The following DAB1 variants were observed in gnomAD, a reference collection of about 807,000 sequenced individuals.
The protein encoded by DAB1 is DAB adaptor protein 1, also known as disabled homolog 1.
In DAB1, 15 loss-of-function variants were observed where a neutral mutation model predicts 64.6. The observed-to-expected ratio is 0.23, with a 90% CI of 0.16 to 0.36. The LOEUF (loss-of-function observed/expected upper bound fraction) is 0.36. DAB1 is among the 10% of genes least tolerant of loss of function. The probability of loss-of-function intolerance (pLI) is 1.00; values close to 1 mark genes in which losing one functional copy is unlikely to be tolerated. For missense variants in DAB1, 596 were observed against 706.7 expected (o/e 0.84, Z 1.78); for synonymous variants, 235 against 251.9 (o/e 0.93, Z 0.64).
chr1:57,062,833 A>G, intron 9 of DAB1, 51 bp downstream of exon 9: 1 of 1,455,012 alleles, frequency 6.9e-7, no homozygotes, highest in South Asian at 1.1e-5. Flanking sequence ...AGACAGCCTC[A>G]GTGTGAATCC....
intron 7 of DAB1, among the ~76,000 whole-genome samples, chr1:57,508,377 T>C (rs1436232503): frequency 6.6e-6 from 1 of 152,198 alleles, no homozygotes; most frequent in Non-Finnish European, 1.5e-5. Flanking sequence ...AAGTATCTGT[T>C]GAATCAAAAA....
intron 3 of DAB1, among the ~76,000 whole-genome samples, chr1:58,492,832 G>C (rs1645722417): frequency 6.6e-6 from 1 of 152,192 alleles, no homozygotes; most frequent in South Asian, 2.1e-4. Flanking sequence ...AATTCTACCA[G>C]AGGTACAAGA....
At chr1:57,747,083 C>CT (rs1235591058) in intron 6 of DAB1, among the ~76,000 whole-genome samples, 2 of 152,008 alleles carry the variant, frequency 1.3e-5, no homozygotes, top group Non-Finnish European at 2.9e-5. Flanking sequence ...ATATGTTATG[C>CT]TTTTTTGTCA....
At chr1:57,561,839 T>G (rs969362986) in intron 7 of DAB1, among the ~76,000 whole-genome samples, 2 of 152,198 alleles carry the variant, frequency 1.3e-5, no homozygotes, top group African/African-American at 4.8e-5. Context: ...ATGGCACCAT[T>G]CCTTGCAGTG....
chr1:57,532,900 T>C (rs1022954145), intron 7 of DAB1, among the ~76,000 whole-genome samples: 1 of 152,204 alleles, frequency 6.6e-6, no homozygotes, highest in African/African-American at 2.4e-5. Flanking sequence ...TCATTTTATA[T>C]GTATTAACTC....
At position 57,518,188 on chromosome 1, in the gene DAB1, GTCA is replaced by G. The variant is rs146349545; in HGVS notation, n.625+131401_625+131403del. On this transcript the variant is annotated intron_variant and non_coding_transcript_variant, in intron 7 of 20. Transcript: ENST00000485760. ...TGTGCTAAACTTAATTGTCGTTGTC[GTCA>G]TCATCATCATCATCATCATCATCAC... 3.6e-3 allele frequency among the ~76,000 whole-genome samples: 545 copies of G among 151,576 alleles called. 5 individuals carry two copies. In the South Asian group the frequency reaches 0.042, roughly 12 times the overall value.
intron 9 of DAB1, among the ~76,000 whole-genome samples, chr1:57,057,638 C>T (rs145273477): frequency 0.012 from 1,731 of 145,612 alleles, 41 homozygotes; most frequent in African/African-American, 0.042. Flanking sequence ...GACAGAGTCT[C>T]GTTCTGTTGC....
At chr1:57,194,715 T>C (rs914383370) in intron 2 of DAB1, among the ~76,000 whole-genome samples, 18 of 152,280 alleles carry the variant, frequency 1.2e-4, no homozygotes, top group Non-Finnish European at 2.2e-4. Flanking sequence ...CTAGCCTGAG[T>C]GCTAGTGACA....
chr1:58,434,876 C>T (rs1465818971), intron 3 of DAB1, among the ~76,000 whole-genome samples: 2 of 152,228 alleles, frequency 1.3e-5, no homozygotes, highest in Admixed American at 1.3e-4. Context: ...AGTCTCCCCA[C>T]CCAGCAGTCA....
intron 1 of DAB1, among the ~76,000 whole-genome samples, chr1:57,834,509 G>A (rs1008123447): frequency 5.9e-5 from 9 of 152,032 alleles, no homozygotes; most frequent in Non-Finnish European, 1.3e-4. Context: ...AGCAAAAAGG[G>A]ATTCAGCAGT....
chr1:57,182,273 A>G (rs1663050772), intron 2 of DAB1, among the ~76,000 whole-genome samples: 1 of 152,234 alleles, frequency 6.6e-6, no homozygotes, highest in African/African-American at 2.4e-5. Flanking sequence ...AACCCCCAAC[A>G]ATAGCAGCTA....
At chr1:57,926,403 C>T (rs950500535) in intron 5 of DAB1, among the ~76,000 whole-genome samples, 1 of 152,094 alleles carries the variant, frequency 6.6e-6, no homozygotes, top group Non-Finnish European at 1.5e-5. Context: ...GCAGGTTTCA[C>T]ATGTAAATTA....
intron 1 of DAB1, among the ~76,000 whole-genome samples, chr1:57,398,367 C>G (rs2101022981): frequency 6.9e-6 from 1 of 145,814 alleles, no homozygotes; most frequent in Non-Finnish European, 1.5e-5. Flanking sequence ...GAAAGGAGAG[C>G]AACTGATGGG....
intron 5 of DAB1, among the ~76,000 whole-genome samples, chr1:57,976,838 T>C (rs1645932116): frequency 6.6e-6 from 1 of 152,186 alleles, no homozygotes. Flanking sequence ...ACATGCAATT[T>C]GACATTAAGT....
At chr1:58,261,749 G>C (rs902323486) in intron 4 of DAB1, among the ~76,000 whole-genome samples, 17 of 152,030 alleles carry the variant, frequency 1.1e-4, no homozygotes, top group Non-Finnish European at 2.4e-4. Flanking sequence ...TAGAAAGAGG[G>C]TCTCCCAATG....
intron 6 of DAB1, among the ~76,000 whole-genome samples, chr1:57,779,167 C>T (rs889607588): frequency 6.6e-6 from 1 of 151,970 alleles, no homozygotes; most frequent in Non-Finnish European, 1.5e-5. Flanking sequence ...TGAATGTGGC[C>T]ATTAGGATAG....
chr1:57,774,301 A>ATTTGTATACTGAAT (rs1649694791), intron 6 of DAB1, among the ~76,000 whole-genome samples: 1 of 151,784 alleles, frequency 6.6e-6, no homozygotes, highest in Non-Finnish European at 1.5e-5. Context: ...TGTATACTGA[A>ATTTGTATACTGAAT]TTTGTATCCT....
chr1:57,143,497 G>C (rs953677772), intron 3 of DAB1, among the ~76,000 whole-genome samples: 1 of 152,098 alleles, frequency 6.6e-6, no homozygotes, highest in Non-Finnish European at 1.5e-5. Context: ...TCATGGTATT[G>C]ATGTCTTTTA....
At chr1:57,384,304 T>C (rs927272248) in intron 1 of DAB1, among the ~76,000 whole-genome samples, 1 of 152,180 alleles carries the variant, frequency 6.6e-6, no homozygotes, top group Non-Finnish European at 1.5e-5. Context: ...TGCAAACCAC[T>C]GGTGGGAAAG....
Sources: gnomAD v4.1 joint callset for allele counts (sites outside exome capture counted in the v4.1 genomes callset) on GRCh38, gnomAD v4.1.1 for gene constraint, MANE v1.5 for transcripts, NCBI Gene and HGNC (gene_info 2026-07-23, HGNC 2026-07-21) for gene names.